Variants in BAZ2A observed in about 807,000 individuals in gnomAD.
BAZ2A encodes bromodomain adjacent to zinc finger domain protein 2A.
A neutral mutation model predicts 199.9 loss-of-function variants in BAZ2A; 34 were observed. The ratio of observed to expected loss-of-function variants is 0.17; its 90% CI spans 0.13 to 0.23. The LOEUF (loss-of-function observed/expected upper bound fraction) is 0.23. BAZ2A is among the 10% of genes least tolerant of loss of function. BAZ2A has a pLI of 1.00. For synonymous variants in BAZ2A, 857 were observed against 883.9 expected, an observed-to-expected ratio of 0.97 and a Z score of 0.54; for missense variants, 2,002 against 2,391.1, an observed-to-expected ratio of 0.84 and a Z score of 3.39.
intron 18 of BAZ2A, 147 bp from the exon 19 acceptor site, chr12:56,603,004 T>C (rs1950228270): frequency 9.3e-7 from 1 of 1,077,200 alleles, no homozygotes; most frequent in African/African-American, 1.6e-5. Context: ...GTGATTAAGT[T>C]TGGGAGCGGT....
At chr12:56,610,277 AAGGCATAAGCAGAAC>A (rs988969585) in intron 8 of BAZ2A, 62 bp from the exon 9 acceptor site, 24 of 1,596,782 alleles carry the variant, frequency 1.5e-5, no homozygotes, top group Non-Finnish European at 1.5e-5. Context: ...TTGGCCAGCA[AAGGCATAAGCAGAAC>A]AGGCCCAGAG....
chr12:56,611,564 A>C lies in BAZ2A; in HGVS notation c.1670+9T>G. 2 of 1,610,020 alleles carry C rather than the reference A, an allele frequency of 1.2e-6. No homozygotes were observed. The highest frequency in any genetic ancestry group is 1.7e-6 in the Non-Finnish European group (2 of 1,176,334). On this transcript the variant is annotated intron_variant, in intron 7 of 28. Transcript: ENST00000549884. ...AAGGTCAATAAATGTAGCAAACTAG[A>C]GCATTTACCCATGTTGGAGGGGAAG... is the stretch of plus-strand genomic sequence containing the variant.
In BAZ2A at chr12:56,630,109, C is replaced by A; in HGVS notation, c.-3+16G>T. On this transcript the variant is annotated intron_variant, in intron 1 of 28. Coordinates refer to ENST00000549884, the MANE Select transcript of BAZ2A (RefSeq NM_001300905.2). The stretch of plus-strand genomic sequence containing the variant: ...GCTCCCTCCCCCTCAGGCCCCTGGC[C>A]ACAGACCCCACAAACCTGAGGCAGC... 3 of 980,842 alleles carry A rather than the reference C, an allele frequency of 3.1e-6. No homozygotes were observed. The highest frequency in any genetic ancestry group is 3.6e-6 in the Non-Finnish European group (3 of 825,736). The allele number at this position is 980,842 out of a possible 1,614,324, so 60.8% of individuals were successfully genotyped here.
At chr12:56,618,354 C>T (rs1304550637) in intron 1 of BAZ2A, among the ~76,000 whole-genome samples, 2 of 152,056 alleles carry the variant, frequency 1.3e-5, no homozygotes, top group African/African-American at 4.8e-5. Context: ...TTGTAAAGTG[C>T]AATGGCTCAT....
chr12:56,616,432 T>C (rs1362988513), intron 2 of BAZ2A, among the ~76,000 whole-genome samples: 1 of 152,078 alleles, frequency 6.6e-6, no homozygotes, highest in East Asian at 1.9e-4. Context: ...AAGAATAGAA[T>C]TTGCAGTCAC....
At chr12:56,606,390 A>T (rs1950355332) in intron 11 of BAZ2A, 78 bp from the exon 12 acceptor site, 1 of 1,550,652 alleles carries the variant, frequency 6.4e-7, no homozygotes, top group Admixed American at 1.7e-5. Flanking sequence ...AAAACAGACA[A>T]GGGTGCTGGG....
chr12:56,617,684 G>A (rs1404901752), intron 1 of BAZ2A, among the ~76,000 whole-genome samples, 152 bp from the exon 2 acceptor site: 1 of 152,166 alleles, frequency 6.6e-6, no homozygotes, highest in African/African-American at 2.4e-5. Context: ...AATAAGAAAA[G>A]AGAAGGAGAA....
In BAZ2A at chr12:56,596,754, T is replaced by C. The variant is rs896984298; in HGVS notation, c.*1864A>G. ...TAAAGTCAATTCAAATATTCTTCAA[T>C]CCACCTCTTAAAAGCAAAAAAAAAT... On this transcript the variant is annotated 3_prime_UTR_variant, in exon 29 of 29. Coordinates refer to ENST00000549884, the MANE Select transcript of BAZ2A (RefSeq NM_001300905.2). 12 of 152,438 alleles carry C rather than the reference T, an allele frequency of 7.9e-5. No individual in the cohort carries two copies. Among genetic ancestry groups the C allele is most frequent in the African/African-American group, 2.9e-4 (12 of 41,370 alleles). The allele number at this position is 152,438 out of a possible 1,614,324, so 9.4% of individuals were successfully genotyped here.
At chr12:56,638,202 AC>A (rs1301368359), upstream of BAZ2A, 1 of 817,032 alleles carries the variant, frequency 1.2e-6, no homozygotes, top group East Asian at 2.5e-5. Flanking sequence ...TTTATTGGAA[AC>A]CTTAAATACT....
chr12:56,601,197 G>T lies in BAZ2A; in HGVS notation c.4277C>A (p.Ala1426Asp). The change falls in exon 21 of 29, where the codon GCC (alanine) becomes GAC (aspartate). Residue 1426 changes from alanine to aspartate, a missense_variant. Transcript: ENST00000549884. The part of the protein sequence containing the change: ...MEQRYLTQLT[A>D]QPVPPEMCSG... ...TCACTCACCAGGTGGGACAGGCTGG[G>T]CTGTCAGCTGGGTTAGGTAACGCTG... 1 of 1,614,060 alleles carries T rather than the reference G, an allele frequency of 6.2e-7. No individual in the cohort carries two copies. Among genetic ancestry groups the T allele is most frequent in the Non-Finnish European group, 8.5e-7 (1 of 1,179,906 alleles).
intron 11 of BAZ2A, 45 bp downstream of exon 11, chr12:56,606,588 G>T: frequency 6.5e-7 from 1 of 1,540,276 alleles, no homozygotes; most frequent in African/African-American, 1.4e-5. Context: ...GAAGTAAGTT[G>T]TAGGAAAAAT....
intron 1 of BAZ2A, among the ~76,000 whole-genome samples, chr12:56,623,716 A>C (rs1950995736): frequency 6.6e-6 from 1 of 152,118 alleles, no homozygotes; most frequent in Non-Finnish European, 1.5e-5. Flanking sequence ...AGCAGAAGCC[A>C]AAGATGCTGC....
rs760627050 is a variant in BAZ2A at position 56,603,621 on chromosome 12, G to A, written c.3118C>T (p.Arg1040Cys). ...EGPEECLGRRRSSRIMEETSG... is the reference protein window; with the variant it reads ...EGPEECLGRRCSSRIMEETSG... ...GTCTCCTCCATGATCCGAGAACTGC[G>A]CCTCCGTCCCAGGCATTCCTCTGGC... The change falls in exon 17 of 29, where the codon CGC (arginine) becomes TGC (cysteine). Residue 1040 changes from arginine (R) to cysteine (C), a missense_variant. Coordinates refer to ENST00000549884, the MANE Select transcript of BAZ2A (RefSeq NM_001300905.2). 9 of 1,613,802 alleles carry A rather than the reference G, an allele frequency of 5.6e-6. No individual in the cohort carries two copies. Among genetic ancestry groups the A allele is most frequent in the African/African-American group, 1.3e-5 (1 of 74,888 alleles).
intron 1 of BAZ2A, among the ~76,000 whole-genome samples, chr12:56,628,073 T>G (rs1951165282): frequency 6.9e-6 from 1 of 144,150 alleles, no homozygotes; most frequent in Non-Finnish European, 1.5e-5. Flanking sequence ...TCCCAGCTAC[T>G]CGGGAGGCTG....
At chr12:56,631,406 G>A (rs1227992167), upstream of BAZ2A, among the ~76,000 whole-genome samples, 5 of 147,026 alleles carry the variant, frequency 3.4e-5, no homozygotes, top group Admixed American at 6.8e-5. Context: ...AACTGAGATC[G>A]CGCCATTGCA....
intron 4 of BAZ2A, among the ~76,000 whole-genome samples, chr12:56,613,492 G>A (rs926326174): frequency 6.6e-6 from 1 of 152,098 alleles, no homozygotes; most frequent in African/African-American, 2.4e-5. Context: ...GGACAACATA[G>A]CAAGACCTCA....
intron 2 of BAZ2A, 99 bp from the exon 3 acceptor site, chr12:56,615,706 G>T: frequency 1.0e-6 from 1 of 971,022 alleles, no homozygotes; most frequent in Non-Finnish European, 1.5e-6. Context: ...AAAAGACATG[G>T]TAAAGGGAAG....
chr12:56,604,103 G>T, intron 16 of BAZ2A, 114 bp downstream of exon 16: 1 of 1,015,464 alleles, frequency 9.8e-7, no homozygotes, highest in Non-Finnish European at 1.5e-6. Context: ...CCCTGGTAAG[G>T]TCCCAAACCC....
chr12:56,601,522 A>T, intron 20 of BAZ2A, 24 bp downstream of exon 20: 1 of 1,608,032 alleles, frequency 6.2e-7, no homozygotes, highest in South Asian at 1.1e-5. Context: ...AATCAAGTGC[A>T]TACTACTAAT....
Sources: allele counts gnomAD v4.1 joint callset (sites outside exome capture counted in the v4.1 genomes callset), GRCh38; gene constraint gnomAD v4.1.1; transcripts MANE v1.5; gene names NCBI Gene and HGNC (gene_info 2026-07-23, HGNC 2026-07-21).